The following SLC4A10 variants were observed in gnomAD, a reference collection of about 807,000 sequenced individuals.
The protein encoded by SLC4A10 is sodium-driven chloride bicarbonate exchanger.
A neutral mutation model predicts 137.7 loss-of-function variants in SLC4A10; 42 were observed. The ratio of observed to expected loss-of-function variants is 0.30; its 90% CI spans 0.24 to 0.39. SLC4A10 has a LOEUF of 0.39. Ranked by LOEUF, SLC4A10 falls within the 10% of genes least tolerant of loss-of-function variation. The pLI, the probability that SLC4A10 is intolerant of heterozygous loss-of-function variation, is 1.00. For synonymous variants in SLC4A10, 474 were observed against 464.1 expected, an observed-to-expected ratio of 1.02 and a Z score of -0.27; for missense variants, 925 against 1,355.0, an observed-to-expected ratio of 0.68 and a Z score of 4.98.
chr2:161,639,004 A>G (rs1161449618), intron 1 of SLC4A10, among the ~76,000 whole-genome samples: 1 of 152,050 alleles, frequency 6.6e-6, no homozygotes, highest in Non-Finnish European at 1.5e-5. Flanking sequence ...ATCAACAACT[A>G]TACAACAAAA....
chr2:161,835,009 A>G (rs1027158719), intron 3 of SLC4A10, among the ~76,000 whole-genome samples: 2 of 148,812 alleles, frequency 1.3e-5, no homozygotes, highest in African/African-American at 4.9e-5. Context: ...TCTTTCTAGG[A>G]CCATTGTGTG....
intron 5 of SLC4A10, among the ~76,000 whole-genome samples, chr2:161,859,595 T>TTTTCTTTTC (rs1491452583): frequency 2.0e-4 from 5 of 25,064 alleles, no homozygotes; most frequent in Non-Finnish European, 7.6e-5. Context: ...TTTTCTTTTC[T>TTTTCTTTTC]TTTTTTTTTT....
At chr2:161,978,413 GAAAAAGAAAAAAGAA>G (rs1699745121) in intron 26 of SLC4A10, among the ~76,000 whole-genome samples, 5 of 137,698 alleles carry the variant, frequency 3.6e-5, no homozygotes, top group Non-Finnish European at 8.0e-5. Context: ...AAAAGAAAAA[GAAAAAGAAAAAAGAA>G]AGAAAGAAAT....
chr2:161,965,029 A>G (rs1293455285), intron 22 of SLC4A10, 22 bp from the exon 23 acceptor site: 3 of 1,599,258 alleles, frequency 1.9e-6, no homozygotes, highest in Non-Finnish European at 2.6e-6. Context: ...TCCACTTTAA[A>G]CTAGTTTATT....
chr2:161,704,623 T>G (rs2043459405), intron 1 of SLC4A10, among the ~76,000 whole-genome samples: 2 of 151,660 alleles, frequency 1.3e-5, no homozygotes, highest in African/African-American at 4.8e-5. Flanking sequence ...ATTTTGTCTA[T>G]TTCTTTTGTT....
At chr2:161,654,919 T>C (rs1346434040) in intron 1 of SLC4A10, among the ~76,000 whole-genome samples, 1 of 152,178 alleles carries the variant, frequency 6.6e-6, no homozygotes, top group Non-Finnish European at 1.5e-5. Context: ...AAAATGCCAT[T>C]GGGATTTTGA....
chr2:161,658,129 G>T (rs1320319071), intron 1 of SLC4A10, among the ~76,000 whole-genome samples: 1 of 152,126 alleles, frequency 6.6e-6, no homozygotes, highest in African/African-American at 2.4e-5. Flanking sequence ...GAGATAGTCA[G>T]TCTTTTCAAC....
At chr2:161,869,150 C>T (rs1201827981) in intron 6 of SLC4A10, among the ~76,000 whole-genome samples, 1 of 151,508 alleles carries the variant, frequency 6.6e-6, no homozygotes, top group East Asian at 1.9e-4. Flanking sequence ...CTAGCAAATT[C>T]TTTGTTATTC....
chr2:161,649,825 C>T (rs933050427), intron 1 of SLC4A10, among the ~76,000 whole-genome samples: 1 of 151,418 alleles, frequency 6.6e-6, no homozygotes, highest in African/African-American at 2.4e-5. Context: ...TGCTTTAAGA[C>T]AGGTATTTAA....
chr2:161,886,691 AT>A (rs1372191888), intron 10 of SLC4A10, among the ~76,000 whole-genome samples: 2 of 151,920 alleles, frequency 1.3e-5, no homozygotes, highest in Admixed American at 1.3e-4. Context: ...GAAAGAATTT[AT>A]TTTTTATACA....
intron 1 of SLC4A10, among the ~76,000 whole-genome samples, chr2:161,741,264 A>G (rs954123957): frequency 6.6e-6 from 1 of 151,676 alleles, no homozygotes; most frequent in Non-Finnish European, 1.5e-5. Flanking sequence ...CTCTCAAAAA[A>G]AAAAAAAAAA....
At chr2:161,736,319 A>G (rs2047336698) in intron 1 of SLC4A10, among the ~76,000 whole-genome samples, 1 of 152,214 alleles carries the variant, frequency 6.6e-6, no homozygotes, top group African/African-American at 2.4e-5. Context: ...CAAATCAAAG[A>G]AAAAGTTTTT....
At chr2:161,694,433 A>G (rs13397334) in intron 1 of SLC4A10, among the ~76,000 whole-genome samples, 310 of 151,750 alleles carry the variant, frequency 2.0e-3, no homozygotes, top group African/African-American at 7.2e-3. Context: ...ATACGATAAA[A>G]TGTTTAATGA....
intron 8 of SLC4A10, among the ~76,000 whole-genome samples, chr2:161,878,184 A>T (rs1559444060): frequency 6.6e-6 from 1 of 152,070 alleles, no homozygotes; most frequent in Non-Finnish European, 1.5e-5. Context: ...TCTCACTTTG[A>T]TCTTTGGCCC....
At chr2:161,789,697 C>T (rs2125525908) in intron 2 of SLC4A10, among the ~76,000 whole-genome samples, 1 of 152,204 alleles carries the variant, frequency 6.6e-6, no homozygotes, top group Middle Eastern at 3.4e-3. Context: ...CTGTACATAA[C>T]AAATTGCGAA....
At position 161,648,219 on chromosome 2, in the gene SLC4A10, C is replaced by T. The variant is rs183695346; in HGVS notation, c.48+23653C>T. On this transcript the variant is annotated intron_variant, in intron 1 of 26. Transcript: ENST00000446997. Reference sequence around the variant, plus strand: ...GGTCAACTTTTTTTTTTTTCTGTTACTCTGTGAAATGGCAGCATTCTCTTA... The same window carrying T: ...GGTCAACTTTTTTTTTTTTCTGTTATTCTGTGAAATGGCAGCATTCTCTTA... Among the ~76,000 whole-genome samples the T allele has an allele frequency of 3.2e-3, 479 of 151,118 alleles. 2 individuals are homozygous for T. Among genetic ancestry groups the T allele is most frequent in the African/African-American group, 0.011 (467 of 41,188 alleles).
At position 161,928,199 on chromosome 2, in the gene SLC4A10, A is replaced by C. The variant is rs1399221935; in HGVS notation, c.1998-14593A>C. ...ATGGAATACTATGCAGCCATAAAAA[A>C]TGATGAGTTCATGTCCTTTGTAGGG... On this transcript the variant is annotated intron_variant, in intron 15 of 26. Coordinates refer to ENST00000446997, the MANE Select transcript of SLC4A10 (RefSeq NM_001178015.2). Among the ~76,000 whole-genome samples the C allele has an allele frequency of 5.3e-5, 8 of 149,664 alleles. No homozygotes were observed. The East Asian group carries it at 1.6e-3, about 29-fold the overall frequency.
At chr2:161,868,942 T>G (rs57207976) in intron 6 of SLC4A10, among the ~76,000 whole-genome samples, 2 of 151,742 alleles carry the variant, frequency 1.3e-5, no homozygotes, top group East Asian at 1.9e-4. Context: ...TGACATTCAT[T>G]TATAGGAAAT....
intron 15 of SLC4A10, among the ~76,000 whole-genome samples, chr2:161,910,763 A>T (rs2105397629): frequency 6.6e-6 from 1 of 152,118 alleles, no homozygotes; most frequent in African/African-American, 2.4e-5. Context: ...TCTAGCACCC[A>T]GCCCTGTACA....
Sources: gnomAD v4.1 joint callset for allele counts (sites outside exome capture counted in the v4.1 genomes callset) on GRCh38, gnomAD v4.1.1 for gene constraint, MANE v1.5 for transcripts, NCBI Gene and HGNC (gene_info 2026-07-23, HGNC 2026-07-21) for gene names.